The following ZNF804B variants were observed in gnomAD, a reference collection of about 807,000 sequenced individuals.
The protein encoded by ZNF804B is zinc finger protein 804B.
A neutral mutation model predicts 101.4 loss-of-function variants in ZNF804B; 80 were observed. The ratio of observed to expected loss-of-function variants is 0.79; its 90% CI spans 0.66 to 0.95. ZNF804B has a LOEUF of 0.95. Among genes scored for constraint, ZNF804B ranks in the 40% least tolerant of loss-of-function variants. ZNF804B has a pLI of 0.00. For missense variants in ZNF804B, 1,673 were observed against 1,561.9 expected (o/e 1.07, Z -1.20); for synonymous variants, 622 against 558.8 (o/e 1.11, Z -1.59).
In ZNF804B at chr7:89,335,052, A is replaced by C; in HGVS notation, c.2070A>C (p.Gly690=). The C allele has an allele frequency of 6.2e-7, 1 of 1,613,852 alleles. No homozygotes were observed. Among genetic ancestry groups the C allele is most frequent in the Non-Finnish European group, 8.5e-7 (1 of 1,179,916 alleles). ...TCAGCATGACCAGCAAGGTTTCCGG[A>C]TGTGGAAACCAAAGATACAAGAGAT... ...NHISMTSKVS[G]CGNQRYKRYS... The change falls in exon 4 of 4, where the codon GGA becomes GGC. Residue 690 remains glycine, a synonymous_variant. Coordinates refer to ENST00000333190, the MANE Select transcript of ZNF804B (RefSeq NM_181646.5).
chr7:89,160,024 G>A (rs936590756), intron 1 of ZNF804B, among the ~76,000 whole-genome samples: 1 of 152,128 alleles, frequency 6.6e-6, no homozygotes, highest in African/African-American at 2.4e-5. Context: ...TGATGTTGCA[G>A]CATTTATATC....
At chr7:89,273,580 A>G (rs533677295) in intron 2 of ZNF804B, among the ~76,000 whole-genome samples, 7 of 152,290 alleles carry the variant, frequency 4.6e-5, no homozygotes, top group African/African-American at 1.7e-4. Context: ...TTCCATTTGC[A>G]AAGTATGACA....
intron 2 of ZNF804B, among the ~76,000 whole-genome samples, chr7:89,224,069 T>C (rs547655239): frequency 2.0e-5 from 3 of 152,116 alleles, no homozygotes; most frequent in African/African-American, 7.2e-5. Flanking sequence ...CTGGGATGAA[T>C]AATACACATC....
intron 2 of ZNF804B, among the ~76,000 whole-genome samples, chr7:89,292,190 A>G (rs1262055980): frequency 6.6e-6 from 1 of 152,138 alleles, no homozygotes; most frequent in Non-Finnish European, 1.5e-5. Context: ...TTAATGAGCA[A>G]TAAGAAATCA....
At chr7:88,876,453 C>A (rs901038730) in intron 1 of ZNF804B, among the ~76,000 whole-genome samples, 3 of 152,096 alleles carry the variant, frequency 2.0e-5, no homozygotes, top group Admixed American at 1.3e-4. Context: ...AGCATCTATA[C>A]CTTTATTTAC....
At chr7:88,922,771 A>T in intron 1 of ZNF804B, among the ~76,000 whole-genome samples, 1 of 152,214 alleles carries the variant, frequency 6.6e-6, no homozygotes, top group South Asian at 2.1e-4. Flanking sequence ...GAAATTAATT[A>T]AAAAGGCCAA....
intron 2 of ZNF804B, among the ~76,000 whole-genome samples, chr7:89,313,883 G>GT (rs1379667380): frequency 6.6e-6 from 1 of 151,994 alleles, no homozygotes; most frequent in African/African-American, 2.4e-5. Flanking sequence ...GTTATGGAAG[G>GT]TAACTACTCT....
Position 89,204,173 on chromosome 7 carries a change from T to G in ZNF804B, c.109-13982T>G, listed in dbSNP as rs148202683. ...ACGTTTTTCATTGACTTTTCTTATA[T>G]TAGAAAATGAAATGTCAGATGCTAT... On this transcript the variant is annotated intron_variant, in intron 1 of 3. Coordinates refer to ENST00000333190, the MANE Select transcript of ZNF804B (RefSeq NM_181646.5). 3.8e-3 allele frequency among the ~76,000 whole-genome samples: 580 copies of G among 152,316 alleles called. 3 individuals carry two copies. The highest frequency in any genetic ancestry group is 0.013 in the African/African-American group (554 of 41,570).
chr7:88,882,693 T>C (rs1360350930), intron 1 of ZNF804B, among the ~76,000 whole-genome samples: 1 of 152,146 alleles, frequency 6.6e-6, no homozygotes, highest in African/African-American at 2.4e-5. Context: ...AATGAGATCA[T>C]GTCATTTGTG....
chr7:89,181,080 T>A (rs1415420551), intron 1 of ZNF804B, among the ~76,000 whole-genome samples: 2 of 151,640 alleles, frequency 1.3e-5, no homozygotes, highest in Non-Finnish European at 2.9e-5. Context: ...GGTAATGTCC[T>A]CCTTATTCTC....
intron 1 of ZNF804B, among the ~76,000 whole-genome samples, chr7:89,208,162 A>G (rs1020537706): frequency 5.3e-5 from 8 of 151,432 alleles, no homozygotes; most frequent in African/African-American, 1.7e-4. Context: ...GCTCACTGCA[A>G]GCTCTGCCTC....
At chr7:89,194,633 T>C (rs1467805353) in intron 1 of ZNF804B, among the ~76,000 whole-genome samples, 6 of 151,124 alleles carry the variant, frequency 4.0e-5, no homozygotes, top group South Asian at 2.1e-4. Context: ...AGATATGCGG[T>C]GTTATTTCTG....
At position 88,912,454 on chromosome 7, in the gene ZNF804B, ATTTC is replaced by A. The variant is rs989643201; in HGVS notation, c.108+152377_108+152380del. Among the ~76,000 whole-genome samples the A allele has an allele frequency of 1.1e-4, 16 of 152,218 alleles. No individual in the cohort carries two copies. In the East Asian group the frequency reaches 1.7e-3, roughly 17 times the overall value. ...AATTTAGATGAAGTATAAGTTATTAATTTCTTTCTTGTATAATTAGTGTCATTGC... is the reference window on the plus strand; with the variant it reads ...AATTTAGATGAAGTATAAGTTATTAATTTCTTGTATAATTAGTGTCATTGC... On this transcript the variant is annotated intron_variant, in intron 1 of 3. Transcript: ENST00000333190.
intron 1 of ZNF804B, among the ~76,000 whole-genome samples, chr7:88,901,061 A>G (rs1207737931): frequency 1.3e-5 from 2 of 151,806 alleles, no homozygotes; most frequent in Non-Finnish European, 3.0e-5. Context: ...TTTTTCAGCC[A>G]TTATCCAGAC....
At chr7:88,890,419 G>A (rs531772920) in intron 1 of ZNF804B, among the ~76,000 whole-genome samples, 1 of 152,240 alleles carries the variant, frequency 6.6e-6, no homozygotes, top group African/African-American at 2.4e-5. Flanking sequence ...GGTATTGCAT[G>A]GTAAGACCAT....
intron 1 of ZNF804B, among the ~76,000 whole-genome samples, chr7:88,874,309 T>C (rs1383249733): frequency 3.9e-5 from 6 of 152,012 alleles, no homozygotes; most frequent in African/African-American, 7.3e-5. Context: ...TTGATTTTTG[T>C]ACATTGATTT....
intron 1 of ZNF804B, among the ~76,000 whole-genome samples, chr7:89,190,335 TAA>T (rs375967399): frequency 1.7e-4 from 21 of 124,860 alleles, no homozygotes; most frequent in Non-Finnish European, 1.2e-4. Context: ...AACTCCGTCT[TAA>T]AAAAAAAAAA....
intron 1 of ZNF804B, among the ~76,000 whole-genome samples, chr7:89,119,254 T>C (rs1486666756): frequency 6.6e-6 from 1 of 152,176 alleles, no homozygotes; most frequent in Non-Finnish European, 1.5e-5. Flanking sequence ...TGGCTTAGGC[T>C]CTATGACAGA....
chr7:89,201,429 G>A (rs980295651), intron 1 of ZNF804B, among the ~76,000 whole-genome samples: 1 of 152,038 alleles, frequency 6.6e-6, no homozygotes, highest in African/African-American at 2.4e-5. Flanking sequence ...AAAAGTGTCA[G>A]CATTGGAAGG....
Sources: gnomAD v4.1 joint callset for allele counts (sites outside exome capture counted in the v4.1 genomes callset) on GRCh38, gnomAD v4.1.1 for gene constraint, MANE v1.5 for transcripts, NCBI Gene and HGNC (gene_info 2026-07-23, HGNC 2026-07-21) for gene names.